Variants in PIEZO2 observed in about 807,000 individuals in gnomAD.
PIEZO2 encodes piezo type mechanosensitive ion channel component 2.
Under a neutral mutation model 337.3 loss-of-function variants are expected in PIEZO2, and 172 were observed. The ratio of observed to expected loss-of-function variants is 0.51; its 90% CI spans 0.45 to 0.58. The LOEUF is 0.58. Ranked by LOEUF, PIEZO2 falls within the 20% of genes least tolerant of loss-of-function variation. PIEZO2 has a pLI of 0.00. For synonymous variants in PIEZO2, 1,251 were observed against 1,228.5 expected, an observed-to-expected ratio of 1.02 and a Z score of -0.38; for missense variants, 3,028 against 3,391.3, an observed-to-expected ratio of 0.89 and a Z score of 2.66.
In PIEZO2 at chr18:10,673,764, T is replaced by G. The variant is rs1314938512; in HGVS notation, c.8162-891A>C. Reference sequence around the variant, plus strand: ...AACTATAAACTAAACTGTGTGAAGGTGGGAGCAACATCAGCATCATTTCAT... The same window carrying G: ...AACTATAAACTAAACTGTGTGAAGGGGGGAGCAACATCAGCATCATTTCAT... On this transcript the variant is annotated intron_variant, in intron 54 of 55. Transcript: ENST00000674853. The surrounding 1 kb of genome is among the most constrained non-coding windows in gnomAD (Gnocchi z 4.8). Among the ~76,000 whole-genome samples, 1 of 152,026 alleles carries G rather than the reference T, an allele frequency of 6.6e-6. No homozygotes were observed. The highest frequency in any genetic ancestry group is 1.9e-4 in the East Asian group (1 of 5,184).
intron 2 of PIEZO2, among the ~76,000 whole-genome samples, chr18:11,036,751 A>C (rs1343501938): frequency 6.6e-6 from 1 of 152,098 alleles, no homozygotes; most frequent in African/African-American, 2.4e-5. Flanking sequence ...TCATAATAAA[A>C]TTGAATTACT....
chr18:11,036,858 G>C (rs1421637768), intron 2 of PIEZO2, among the ~76,000 whole-genome samples: 1 of 152,172 alleles, frequency 6.6e-6, no homozygotes, highest in Non-Finnish European at 1.5e-5. Context: ...CTGTGATTGA[G>C]AGTGATGTGT....
intron 3 of PIEZO2, among the ~76,000 whole-genome samples, chr18:10,914,212 C>T (rs2030735150): frequency 6.6e-6 from 1 of 151,998 alleles, no homozygotes; most frequent in South Asian, 2.1e-4. Context: ...TGGCAGACTT[C>T]CTTGATTCAA....
chr18:10,745,891 G>A (rs1203934386), intron 30 of PIEZO2, among the ~76,000 whole-genome samples: 3 of 152,030 alleles, frequency 2.0e-5, no homozygotes, highest in Admixed American at 6.6e-5. Flanking sequence ...CCACAACTGC[G>A]GTCAGTCTTC....
chr18:10,858,860 G>T (rs2041798841), intron 5 of PIEZO2, among the ~76,000 whole-genome samples: 1 of 152,066 alleles, frequency 6.6e-6, no homozygotes, highest in South Asian at 2.1e-4. Flanking sequence ...ACTTCAACTT[G>T]ACTTCTACTG....
At position 10,806,037 on chromosome 18, in the gene PIEZO2, G is replaced by A. The variant is rs183082560; in HGVS notation, c.1080+1075C>T. Among the ~76,000 whole-genome samples the A allele has an allele frequency of 2.8e-3, 422 of 152,332 alleles. 5 individuals are homozygous for A. Among genetic ancestry groups the A allele is most frequent in the Admixed American group, 0.021 (322 of 15,300 alleles). ...CTACTGAAGTCATTGCTCTATGCTG[G>A]CCCCTAGGTTAGTTTCAGATCCAGT... On this transcript the variant is annotated intron_variant, in intron 8 of 55. Transcript: ENST00000674853.
chr18:10,806,252 G>T (rs2039999407), intron 8 of PIEZO2, among the ~76,000 whole-genome samples: 1 of 152,156 alleles, frequency 6.6e-6, no homozygotes. Context: ...CAGCTGTAGG[G>T]TTCCCCGCAG....
intron 39 of PIEZO2, among the ~76,000 whole-genome samples, chr18:10,714,003 C>A (rs1362297814): frequency 6.6e-6 from 1 of 152,150 alleles, no homozygotes; most frequent in African/African-American, 2.4e-5. Flanking sequence ...TGAGAGACAG[C>A]ATACTAGGGT....
chr18:10,768,744 T>C (rs2143953172), intron 21 of PIEZO2, among the ~76,000 whole-genome samples: 1 of 152,362 alleles, frequency 6.6e-6, no homozygotes, highest in African/African-American at 2.4e-5. Context: ...CTAGATATTC[T>C]GTTTACTTGA....
rs1437660524 is a variant in PIEZO2, at chr18:11,110,502, C to T, written c.64+38023G>A. ...ATGTGACCTCAGTCCACCTGTTTAC[C>T]TGAGGTAAGTGTCTGGGCCTTTCCT... is the stretch of plus-strand genomic sequence containing the variant. On this transcript the variant is annotated intron_variant, in intron 1 of 55. Coordinates refer to ENST00000674853, the MANE Select transcript of PIEZO2 (RefSeq NM_001378183.1). This position sits in a 1 kb window ranked among gnomAD's most constrained non-coding sequence, Gnocchi z 4.2. Among the ~76,000 whole-genome samples the T allele has an allele frequency of 6.6e-6, 1 of 152,178 alleles. No individual in the cohort carries two copies. The highest frequency in any genetic ancestry group is 2.4e-5 in the African/African-American group (1 of 41,436).
chr18:10,906,750 G>A (rs2145043439), intron 4 of PIEZO2, among the ~76,000 whole-genome samples: 1 of 151,850 alleles, frequency 6.6e-6, no homozygotes, highest in South Asian at 2.1e-4. Context: ...TAGTAGACAC[G>A]AGGTTTCACC....
intron 3 of PIEZO2, among the ~76,000 whole-genome samples, chr18:10,921,386 C>G (rs1330564011): frequency 6.6e-6 from 1 of 152,112 alleles, no homozygotes; most frequent in African/African-American, 2.4e-5. Context: ...GTTAGTTCCC[C>G]AAATTAATAC....
rs1198326265 is a variant in PIEZO2 at position 11,109,458 on chromosome 18, G to A, written c.64+39067C>T. 6.6e-6 allele frequency among the ~76,000 whole-genome samples: 1 copy of A among 152,190 alleles called. No individual in the cohort carries two copies. The highest frequency in any genetic ancestry group is 1.5e-5 in the Non-Finnish European group (1 of 68,026). On this transcript the variant is annotated intron_variant, in intron 1 of 55. Coordinates refer to ENST00000674853, the MANE Select transcript of PIEZO2 (RefSeq NM_001378183.1). This position sits in a 1 kb window ranked among gnomAD's most constrained non-coding sequence, Gnocchi z 5.1. ...AGGCCAGGCGCGGTGGCTCATGTCT[G>A]TAATCCCAGCACTTTGGGAGGCCGA...
In PIEZO2 at chr18:10,766,330, G is replaced by C. The variant is rs1260313406; in HGVS notation, c.2947-3232C>G. 2.6e-5 allele frequency among the ~76,000 whole-genome samples: 4 copies of C among 151,936 alleles called. No individual in the cohort carries two copies. Among genetic ancestry groups the C allele is most frequent in the African/African-American group, 9.7e-5 (4 of 41,360 alleles). ...GGAAGGGGAAGGAGAAGTAGGAGGA[G>C]AAGGAGGAGGAGGAGGACAATGACT... On this transcript the variant is annotated intron_variant, in intron 21 of 55. Transcript: ENST00000674853. This position sits in a 1 kb window ranked among gnomAD's most constrained non-coding sequence, Gnocchi z 6.1.
intron 1 of PIEZO2, among the ~76,000 whole-genome samples, chr18:11,134,329 G>A (rs2040422136): frequency 6.6e-6 from 1 of 152,146 alleles, no homozygotes; most frequent in Non-Finnish European, 1.5e-5. Context: ...TAGTTTCTAA[G>A]ACTGTTTCTC....
chr18:10,806,570 G>GC (rs2040009182), intron 8 of PIEZO2, among the ~76,000 whole-genome samples: 1 of 152,000 alleles, frequency 6.6e-6, no homozygotes, highest in Non-Finnish European at 1.5e-5. Context: ...CAAGAGCTGG[G>GC]CTATCACTCC....
intron 21 of PIEZO2, among the ~76,000 whole-genome samples, chr18:10,768,678 G>C (rs2038467479): frequency 6.6e-6 from 1 of 152,202 alleles, no homozygotes; most frequent in Non-Finnish European, 1.5e-5. Flanking sequence ...GAATCACAGA[G>C]AAGGGAGTGG....
chr18:10,764,581 C>T (rs539078776), intron 21 of PIEZO2, among the ~76,000 whole-genome samples: 106 of 129,358 alleles, frequency 8.2e-4, no homozygotes, highest in African/African-American at 3.2e-3. Flanking sequence ...CAGAGTGACA[C>T]TACGTCTCAA....
chr18:11,094,667 A>T lies in PIEZO2; in HGVS notation c.65-28445T>A, dbSNP rs2039210819. Among the ~76,000 whole-genome samples the T allele has an allele frequency of 6.6e-6, 1 of 152,248 alleles. No individual in the cohort carries two copies. The highest frequency in any genetic ancestry group is 6.5e-5 in the Admixed American group (1 of 15,286). On this transcript the variant is annotated intron_variant, in intron 1 of 55. Coordinates refer to ENST00000674853, the MANE Select transcript of PIEZO2 (RefSeq NM_001378183.1). This position sits in a 1 kb window ranked among gnomAD's most constrained non-coding sequence, Gnocchi z 4.4. Reference sequence around the variant, plus strand: ...TCTTCCATTTCTCTCAATAAAGTGAAGAAATTCCTTTTGAATTTTTCTGTA... The same window carrying T: ...TCTTCCATTTCTCTCAATAAAGTGATGAAATTCCTTTTGAATTTTTCTGTA...
Sources: allele counts gnomAD v4.1 joint callset (sites outside exome capture counted in the v4.1 genomes callset), GRCh38; gene constraint gnomAD v4.1.1; non-coding constraint Gnocchi (gnomAD v3.1); transcripts MANE v1.5; gene names NCBI Gene and HGNC (gene_info 2026-07-23, HGNC 2026-07-21).